PNKD: variants seen among roughly 807,000 people sequenced by gnomAD.
PNKD encodes the protein probable thioesterase PNKD.
PNKD carries 36 observed loss-of-function variants against 45.3 expected under a neutral mutation model. The observed-to-expected ratio is 0.80, with a 90% CI of 0.61 to 1.05. PNKD has a LOEUF of 1.05. PNKD is among the 50% of genes least tolerant of loss of function. The pLI, the probability that PNKD is intolerant of heterozygous loss-of-function variation, is 0.00. For missense variants in PNKD, 511 were observed against 506.6 expected, an observed-to-expected ratio of 1.01 and a Z score of -0.08; for synonymous variants, 197 against 210.1, an observed-to-expected ratio of 0.94 and a Z score of 0.54.
chr2:218,284,804 T>C (rs1295167512), intron 2 of PNKD, among the ~76,000 whole-genome samples: 4 of 152,186 alleles, frequency 2.6e-5, no homozygotes, highest in Non-Finnish European at 5.9e-5. Flanking sequence ...AAAATACACA[T>C]AGAAGGCTGG....
chr2:218,271,953 T>C (rs962531618), intron 2 of PNKD, among the ~76,000 whole-genome samples: 1 of 152,186 alleles, frequency 6.6e-6, no homozygotes, highest in African/African-American at 2.4e-5. Flanking sequence ...TATTGACCAA[T>C]ATTAAAGAGA....
chr2:218,341,808 C>A, intron 6 of PNKD, 173 bp from the exon 7 acceptor site: 1 of 769,836 alleles, frequency 1.3e-6, no homozygotes, highest in Non-Finnish European at 2.3e-6. Context: ...CCATAGTCCC[C>A]AAAAGAGGAA....
intron 2 of PNKD, among the ~76,000 whole-genome samples, chr2:218,273,682 G>C (rs1250047009): frequency 6.6e-6 from 1 of 150,920 alleles, no homozygotes; most frequent in African/African-American, 2.4e-5. Flanking sequence ...GTAGAGATGG[G>C]GTTTCACCAT....
At chr2:218,278,062 G>T in intron 2 of PNKD, 1 of 1,457,120 alleles carries the variant, frequency 6.9e-7, no homozygotes, top group East Asian at 2.3e-5. Flanking sequence ...CTTGGCTCCT[G>T]TGCCTGGAGG....
Position 218,340,082 on chromosome 2 carries a change from A to G in PNKD, c.406A>G (p.Ile136Val), listed in dbSNP as rs775969033. ...VLSDNYSYLI[I>V]DTQAQLAVAV... The stretch of plus-strand genomic sequence containing the variant: ...CTCGGACAACTACAGCTACCTCATC[A>G]TCGACACCCAGGCCCAGCTGGCTGT... The change falls in exon 4 of 10, where the codon ATC (isoleucine) becomes GTC (valine). Residue 136 changes from isoleucine (I) to valine (V), a missense_variant. Coordinates refer to ENST00000273077, the MANE Select transcript of PNKD (RefSeq NM_015488.5). This position sits in a 1 kb window ranked among gnomAD's most constrained non-coding sequence, Gnocchi z 4.2. 1.2e-6 allele frequency: 2 copies of G among 1,613,944 alleles called. No homozygotes were observed. The highest frequency in any genetic ancestry group is 2.2e-5 in the East Asian group (1 of 44,874).
intron 2 of PNKD, chr2:218,277,106 G>C (rs1479938424): frequency 6.2e-7 from 1 of 1,613,570 alleles, no homozygotes; most frequent in Admixed American, 1.7e-5. Flanking sequence ...CCACCTGCCA[G>C]GAAGCAAGAA....
At position 218,346,229 on chromosome 2, in the gene PNKD, T is replaced by C. The variant is rs945922823; in HGVS notation, c.*1248T>C. On this transcript the variant is annotated 3_prime_UTR_variant, in exon 10 of 10. Transcript: ENST00000273077. ...CCTGTGGTCCTCAGGCAGGTGTACC[T>C]TGAGTCAGCCAGGAGCCCTCTTTTC... The C allele has an allele frequency of 6.5e-6, 1 of 152,782 alleles. No individual in the cohort carries two copies. The highest frequency in any genetic ancestry group is 2.4e-5 in the African/African-American group (1 of 41,468). The allele number at this position is 152,782 out of a possible 1,614,324, so 9.5% of individuals were successfully genotyped here. A position where few individuals can be genotyped will look rare whatever the true frequency, so the allele number is the denominator to read the frequency against.
At chr2:218,333,885 C>T (rs1694402382) in intron 2 of PNKD, among the ~76,000 whole-genome samples, 2 of 150,750 alleles carry the variant, frequency 1.3e-5, no homozygotes, top group Non-Finnish European at 3.0e-5. Context: ...GAGGCCAAGG[C>T]GGGTGGATCA....
chr2:218,309,891 C>T (rs1222853047), intron 2 of PNKD, among the ~76,000 whole-genome samples: 9 of 150,270 alleles, frequency 6.0e-5, no homozygotes, highest in East Asian at 5.9e-4. Context: ...GCCGAGATCG[C>T]GACATTGCAC....
chr2:218,302,602 G>C (rs1389495805), intron 2 of PNKD, among the ~76,000 whole-genome samples: 1 of 152,228 alleles, frequency 6.6e-6, no homozygotes, highest in Non-Finnish European at 1.5e-5. Context: ...CCCAAGAGGA[G>C]ACTGGGGAGG....
rs1694159811 is a variant in PNKD, at chr2:218,326,570, A to C, written c.237-13213A>C. ...AGGGCTCCTGTGAAGATCAAATGAA[A>C]CCGCATCTAAAATACACAGGGCCTG... On this transcript the variant is annotated intron_variant, in intron 2 of 9. Coordinates refer to ENST00000273077, the MANE Select transcript of PNKD (RefSeq NM_015488.5). This position sits in a 1 kb window ranked among gnomAD's most constrained non-coding sequence, Gnocchi z 4.1. Among the ~76,000 whole-genome samples the C allele has an allele frequency of 6.6e-6, 1 of 152,130 alleles. No homozygotes were observed. The highest frequency in any genetic ancestry group is 2.1e-4 in the South Asian group (1 of 4,828).
intron 2 of PNKD, among the ~76,000 whole-genome samples, chr2:218,315,124 T>TTC (rs1559521468): frequency 2.2e-3 from 247 of 113,344 alleles, no homozygotes; most frequent in African/African-American, 4.7e-3. Flanking sequence ...TTCCTTCCTT[T>TTC]CTTTCTTTCT....
chr2:218,312,163 G>A (rs1693633359), intron 2 of PNKD, among the ~76,000 whole-genome samples: 1 of 152,138 alleles, frequency 6.6e-6, no homozygotes, highest in Admixed American at 6.6e-5. Flanking sequence ...GATCAAAATG[G>A]AATTTCTTCT....
intron 5 of PNKD, among the ~76,000 whole-genome samples, 177 bp from the exon 6 acceptor site, chr2:218,341,356 TG>T (rs1188085153): frequency 6.6e-6 from 1 of 152,138 alleles, no homozygotes; most frequent in African/African-American, 2.4e-5. Flanking sequence ...CTTGAGTTGT[TG>T]GGGGCGATGT....
chr2:218,276,946 A>G (rs1691277065), intron 2 of PNKD: 1 of 1,447,138 alleles, frequency 6.9e-7, no homozygotes. Flanking sequence ...ACCATGCTAT[A>G]TAGGAAGTCT....
Position 218,340,653 on chromosome 2 carries a change from A to G in PNKD, c.466-75A>G, listed in dbSNP as rs1038385481. The G allele has an allele frequency of 1.9e-6, 2 of 1,077,050 alleles. No individual in the cohort carries two copies. The highest frequency in any genetic ancestry group is 3.1e-5 in the African/African-American group (2 of 64,238). The allele number at this position is 1,077,050 out of a possible 1,614,324, so 66.7% of individuals were successfully genotyped here. ...TCTCCTCTCCTCTCCACCAGCGCCC[A>G]CACTCCTGGCTCTTGCTGCTTCAAG... On this transcript the variant is annotated intron_variant, in intron 4 of 9. Coordinates refer to ENST00000273077, the MANE Select transcript of PNKD (RefSeq NM_015488.5). This position sits in a 1 kb window ranked among gnomAD's most constrained non-coding sequence, Gnocchi z 4.2.
chr2:218,288,477 G>C lies in PNKD; in HGVS notation c.236+16928G>C, dbSNP rs988407017. On this transcript the variant is annotated intron_variant, in intron 2 of 9. Coordinates refer to ENST00000273077, the MANE Select transcript of PNKD (RefSeq NM_015488.5). ...TAGGGAAGGAAGGGAACCACTTAGA[G>C]TAGTTGAACCACTTCCAGTACTTAC... Among the ~76,000 whole-genome samples, 5 of 152,174 alleles carry C rather than the reference G, an allele frequency of 3.3e-5. No homozygotes were observed. The East Asian group carries it at 7.7e-4, about 23-fold the overall frequency.
intron 2 of PNKD, among the ~76,000 whole-genome samples, chr2:218,299,863 C>T (rs943498589): frequency 3.3e-5 from 5 of 152,056 alleles, no homozygotes; most frequent in African/African-American, 7.2e-5. Context: ...TCAGGTGATC[C>T]GCCCGCCTCA....
chr2:218,294,721 G>A (rs979561906), intron 2 of PNKD, among the ~76,000 whole-genome samples: 6 of 152,124 alleles, frequency 3.9e-5, no homozygotes, highest in African/African-American at 1.2e-4. Context: ...CAAGCAATTT[G>A]CCCTCCTCCA....
Sources: gnomAD v4.1 joint callset for allele counts (sites outside exome capture counted in the v4.1 genomes callset) on GRCh38, gnomAD v4.1.1 for gene constraint, Gnocchi (gnomAD v3.1) non-coding constraint, MANE v1.5 for transcripts, NCBI Gene and HGNC (gene_info 2026-07-23, HGNC 2026-07-21) for gene names.